FER1L6: variants seen among roughly 807,000 people sequenced by gnomAD.
FER1L6 encodes fer-1 like family member 6, also known as fer-1-like protein 6.
In FER1L6, 177 loss-of-function variants were observed where a neutral mutation model predicts 219.2. The ratio of observed to expected loss-of-function variants is 0.81; its 90% CI spans 0.71 to 0.91. FER1L6 has a LOEUF of 0.91. Among genes scored for constraint, FER1L6 ranks in the 40% least tolerant of loss-of-function variants. The probability of loss-of-function intolerance (pLI) is 0.00; values close to 1 mark genes in which losing one functional copy is unlikely to be tolerated. For synonymous variants in FER1L6, 768 were observed against 824.3 expected, an observed-to-expected ratio of 0.93 and a Z score of 1.17; for missense variants, 2,153 against 2,259.9, an observed-to-expected ratio of 0.95 and a Z score of 0.96.
chr8:123,920,241 G>T lies in FER1L6; in HGVS notation c.-7-35751G>T, dbSNP rs150691705. Among the ~76,000 whole-genome samples the T allele has an allele frequency of 1.9e-3, 294 of 152,276 alleles. 1 individual carries two copies. The highest frequency in any genetic ancestry group is 3.0e-3 in the Non-Finnish European group (203 of 68,036). ...TGGACTTGGTCATCAGGACCACGAA[G>T]AGGTCATCAGGACTCTTGCAAGACA... On this transcript the variant is annotated intron_variant, in intron 1 of 40. Coordinates refer to ENST00000522917, the MANE Select transcript of FER1L6 (RefSeq NM_001039112.2).
intron 24 of FER1L6, among the ~76,000 whole-genome samples, chr8:124,061,641 C>T (rs6470215): frequency 0.02 from 2,998 of 152,178 alleles, 90 homozygotes; most frequent in African/African-American, 0.069. Context: ...TTTAAACCTG[C>T]GACAAATTGT....
rs150319468 is a variant in FER1L6, at chr8:124,062,032, G to A, written c.3328G>A (p.Asp1110Asn). 1,349 of 1,613,992 alleles carry A rather than the reference G, an allele frequency of 8.4e-4. 9 individuals carry two copies. In the African/African-American group the frequency reaches 0.012, roughly 15 times the overall value. The change falls in exon 25 of 41, where the codon GAT becomes AAT. Residue 1110 changes from aspartate (D) to asparagine (N), a missense_variant and splice_region_variant. Physicochemically the swap from Asp to Asn is conservative, Grantham distance 23. Transcript: ENST00000522917. Reference sequence around the variant, plus strand: ...GGTGGATGGAACCCAGCCTGGGCACGGTGAGAAGCTGCTCTTAGATTTTGT... The same window carrying A: ...GGTGGATGGAACCCAGCCTGGGCACAGTGAGAAGCTGCTCTTAGATTTTGT... ...TQVDGTQPGH[D>N]ISDSLTATES...
At position 124,021,359 on chromosome 8, in the gene FER1L6, G is replaced by A. The variant is rs143528293; in HGVS notation, c.2014-191G>A. On this transcript the variant is annotated intron_variant, in intron 16 of 40. Coordinates refer to ENST00000522917, the MANE Select transcript of FER1L6 (RefSeq NM_001039112.2). ...CTCATCTGTCAAGCAGAGGTGAGAT[G>A]ATATTACAGCCTCCATAATCCTGTG... Among the ~76,000 whole-genome samples, 8 of 152,232 alleles carry A rather than the reference G, an allele frequency of 5.3e-5. No individual in the cohort carries two copies. In the East Asian group the frequency reaches 1.5e-3, roughly 29 times the overall value.
In FER1L6 at chr8:123,859,582, G is replaced by A. The variant is rs1025594497; in HGVS notation, c.-8+7397G>A. ...TTTTTTTTTAATACTTTAAGTTTTAGGGTACATGTGCACAATGTGCAGGTT... is the reference window on the plus strand; with the variant it reads ...TTTTTTTTTAATACTTTAAGTTTTAAGGTACATGTGCACAATGTGCAGGTT... On this transcript the variant is annotated intron_variant, in intron 1 of 40. Transcript: ENST00000522917. Among the ~76,000 whole-genome samples, 54 of 145,588 alleles carry A rather than the reference G, an allele frequency of 3.7e-4. 1 individual carries two copies. The highest frequency in any genetic ancestry group is 6.9e-4 in the Non-Finnish European group (46 of 67,030).
intron 29 of FER1L6, among the ~76,000 whole-genome samples, chr8:124,069,774 T>C (rs1315808758): frequency 6.6e-6 from 1 of 152,228 alleles, no homozygotes; most frequent in African/African-American, 2.4e-5. Context: ...CTTGTCATCA[T>C]CATGCAAATG....
chr8:123,856,320 A>G (rs9772839), intron 1 of FER1L6, among the ~76,000 whole-genome samples: 12,927 of 73,366 alleles, frequency 0.18, 2,835 homozygotes, highest in Middle Eastern at 0.28. Context: ...GTATGTGTAT[A>G]TATATATATA....
At chr8:124,033,733 C>T (rs1819075468) in intron 18 of FER1L6, among the ~76,000 whole-genome samples, 1 of 152,224 alleles carries the variant, frequency 6.6e-6, no homozygotes, top group African/African-American at 2.4e-5. Context: ...GCTTTCCTCT[C>T]TTTTTGGGAT....
intron 1 of FER1L6, among the ~76,000 whole-genome samples, chr8:123,905,078 C>T (rs1812926652): frequency 6.6e-6 from 1 of 152,122 alleles, no homozygotes; most frequent in Non-Finnish European, 1.5e-5. Context: ...AATTCAATCC[C>T]ACTTAAATTT....
chr8:124,053,583 TATCTCC>T (rs1348913628), intron 22 of FER1L6, among the ~76,000 whole-genome samples: 6 of 152,228 alleles, frequency 3.9e-5, no homozygotes. Flanking sequence ...TCAGTTTCTC[TATCTCC>T]ATTACTGAAA....
Position 124,003,358 on chromosome 8 carries a change from T to C in FER1L6, c.1700+11T>C, listed in dbSNP as rs375359098. On this transcript the variant is annotated intron_variant, in intron 13 of 40. Transcript: ENST00000522917. ...GACAGAAGGGAACAGGTAGGAGACATAGCCTGGGAGAACAGTCAAGGATTT... is the reference window on the plus strand; with the variant it reads ...GACAGAAGGGAACAGGTAGGAGACACAGCCTGGGAGAACAGTCAAGGATTT... The C allele has an allele frequency of 3.1e-6, 5 of 1,600,228 alleles. No individual in the cohort carries two copies. In the African/African-American group the frequency reaches 6.7e-5, roughly 22 times the overall value.
At chr8:123,859,843 A>G (rs1363691028) in intron 1 of FER1L6, among the ~76,000 whole-genome samples, 80 of 144,232 alleles carry the variant, frequency 5.5e-4, no homozygotes, top group African/African-American at 1.7e-3. Context: ...GAGAATGATG[A>G]TTTCCAATTT....
chr8:123,902,165 A>G (rs1812871012), intron 1 of FER1L6, among the ~76,000 whole-genome samples: 1 of 152,144 alleles, frequency 6.6e-6, no homozygotes, highest in African/African-American at 2.4e-5. Context: ...CTGTGGTCTG[A>G]GAGAGTGCTT....
chr8:123,901,201 A>T (rs545087483), intron 1 of FER1L6, among the ~76,000 whole-genome samples: 1 of 152,196 alleles, frequency 6.6e-6, no homozygotes, highest in Non-Finnish European at 1.5e-5. Flanking sequence ...TGGTCTGTTC[A>T]GGATATCTAA....
rs1822608912 is a variant in FER1L6 at position 124,103,007 on chromosome 8, A to G, written c.5126-139A>G. On this transcript the variant is annotated intron_variant, in intron 38 of 40. Coordinates refer to ENST00000522917, the MANE Select transcript of FER1L6 (RefSeq NM_001039112.2). ...CCTATTTGTACTCCCAATACCTAGC[A>G]CATAGTTGTGATCCAATATGGTACT... 15 of 795,344 alleles carry G rather than the reference A, an allele frequency of 1.9e-5. No individual in the cohort carries two copies. In the South Asian group the frequency reaches 2.6e-4, roughly 14 times the overall value. The allele number at this position is 795,344 out of a possible 1,614,324, so 49.3% of individuals were successfully genotyped here.
rs765558673 is a variant in FER1L6, at chr8:124,091,492, C to A, written c.4461C>A (p.Asn1487Lys). The change falls in exon 34 of 41, where the codon AAC becomes AAA. Residue 1487 changes from asparagine to lysine, a missense_variant. Asn to Lys is a moderately conservative substitution (Grantham distance 94, BLOSUM62 0). Coordinates refer to ENST00000522917, the MANE Select transcript of FER1L6 (RefSeq NM_001039112.2). ...TCCTCACTAAGCTCTGCAAAGACAA[C>A]AAGCTGGATGGACCCTACTTTCACC... Reference protein sequence around the residue: ...TEILTKLCKDNKLDGPYFHPG... With the variant: ...TEILTKLCKDKKLDGPYFHPG... The A allele has an allele frequency of 1.2e-6, 2 of 1,613,896 alleles. No individual in the cohort carries two copies. Among genetic ancestry groups the A allele is most frequent in the Non-Finnish European group, 8.5e-7 (1 of 1,179,774 alleles).
At position 123,970,034 on chromosome 8, in the gene FER1L6, G is replaced by A. The variant is rs1245500631; in HGVS notation, c.385-1G>A. The A allele has an allele frequency of 6.2e-7, 1 of 1,613,958 alleles. No homozygotes were observed. The highest frequency in any genetic ancestry group is 1.7e-5 in the Admixed American group (1 of 60,012). ...ACCAGAATGAACTTTTTGTTTTGCA[G>A]TACTTTGTCTTCGACTTCATTGGGC... On this transcript the variant is annotated splice_acceptor_variant, in intron 5 of 40. Transcript: ENST00000522917. LOFTEE classifies it high-confidence loss of function.
chr8:124,046,691 G>A (rs1175079799), intron 21 of FER1L6: 3 of 152,186 alleles, frequency 2.0e-5, no homozygotes, highest in Admixed American at 1.3e-4. Context: ...CCCTGTCTTT[G>A]GGTCAAGGTC....
chr8:124,119,398 C>T (rs1823386897), intron 40 of FER1L6, among the ~76,000 whole-genome samples: 1 of 152,082 alleles, frequency 6.6e-6, no homozygotes. Context: ...TCGCTCTCTG[C>T]TCCACACCAA....
At chr8:124,089,137 CTGCGGTGGCGGAGCT>C (rs1821910792) in intron 33 of FER1L6, among the ~76,000 whole-genome samples, 1 of 152,228 alleles carries the variant, frequency 6.6e-6, no homozygotes, top group African/African-American at 2.4e-5. Context: ...GTGCTTTAGC[CTGCGGTGGCGGAGCT>C]TGCTGAAACT....
Sources: gnomAD v4.1 joint callset for allele counts (sites outside exome capture counted in the v4.1 genomes callset) on GRCh38, gnomAD v4.1.1 for gene constraint, MANE v1.5 for transcripts, NCBI Gene and HGNC (gene_info 2026-07-23, HGNC 2026-07-21) for gene names.